Variants in KDM1A observed in about 807,000 individuals in gnomAD.
KDM1A encodes the protein lysine demethylase 1A.
Under a neutral mutation model 109.4 loss-of-function variants are expected in KDM1A, and 49 were observed. That is an observed-to-expected ratio of 0.45 (90% confidence interval 0.36 to 0.57). The LOEUF is 0.57. Ranked by LOEUF, KDM1A falls within the 20% of genes least tolerant of loss-of-function variation. The pLI, the probability that KDM1A is intolerant of heterozygous loss-of-function variation, is 0.00. For missense variants in KDM1A, 668 were observed against 1,116.6 expected (o/e 0.60, Z 5.73); for synonymous variants, 380 against 415.4 (o/e 0.91, Z 1.04).
At chr1:23,070,580 G>A (rs1252086946) in intron 12 of KDM1A, among the ~76,000 whole-genome samples, 1 of 152,096 alleles carries the variant, frequency 6.6e-6, no homozygotes, top group African/African-American at 2.4e-5. Flanking sequence ...AGGCCGAGGA[G>A]GGCAGATCAC....
intron 1 of KDM1A, among the ~76,000 whole-genome samples, chr1:23,023,132 A>C (rs1221457025): frequency 1.3e-5 from 2 of 152,124 alleles, no homozygotes; most frequent in African/African-American, 2.4e-5. Flanking sequence ...TGACTATTCA[A>C]ATCCTTGGCT....
chr1:23,052,350 G>A (rs1010958174), intron 4 of KDM1A, among the ~76,000 whole-genome samples: 1 of 152,220 alleles, frequency 6.6e-6, no homozygotes, highest in African/African-American at 2.4e-5. Context: ...GAAGACTTGT[G>A]TTGGGAGTGA....
intron 11 of KDM1A, 67 bp downstream of exon 11, chr1:23,068,748 A>C: frequency 1.5e-6 from 2 of 1,341,414 alleles, no homozygotes; most frequent in Non-Finnish European, 2.0e-6. Context: ...TTTATGTTTT[A>C]AGTTTTTCTG....
chr1:23,069,159 T>C lies in KDM1A; in HGVS notation c.1413+8T>C. ...AAAGAACTTCTTAATAAGGTGAAAT[T>C]CTGTATTTTCTTCATAGCTGAAGAA... On this transcript the variant is annotated splice_region_variant and intron_variant, in intron 12 of 20. Transcript: ENST00000400181. 1 of 1,522,818 alleles carries C rather than the reference T, an allele frequency of 6.6e-7. No individual in the cohort carries two copies. The highest frequency in any genetic ancestry group is 9.0e-7 in the Non-Finnish European group (1 of 1,105,422). 94.3% of individuals were successfully genotyped at this position (1,522,818 alleles called of 1,614,324 possible). A position where few individuals can be genotyped will look rare whatever the true frequency, so the allele number is the denominator to read the frequency against.
chr1:23,023,547 C>G (rs1305352724), intron 1 of KDM1A, among the ~76,000 whole-genome samples: 1 of 152,158 alleles, frequency 6.6e-6, no homozygotes, highest in Non-Finnish European at 1.5e-5. Flanking sequence ...TTCCATTGAT[C>G]TATTATATAT....
intron 2 of KDM1A, among the ~76,000 whole-genome samples, chr1:23,033,523 A>C (rs1331377273): frequency 6.6e-6 from 1 of 152,202 alleles, no homozygotes; most frequent in Non-Finnish European, 1.5e-5. Context: ...CCGCCTTAAA[A>C]AAAAATCCAA....
At chr1:23,080,686 C>T (rs1643593364) in intron 18 of KDM1A, among the ~76,000 whole-genome samples, 1 of 152,138 alleles carries the variant, frequency 6.6e-6, no homozygotes, top group Admixed American at 6.5e-5. Flanking sequence ...GTACTGTGGT[C>T]TAGGCCTGGG....
intron 9 of KDM1A, among the ~76,000 whole-genome samples, chr1:23,063,464 T>C (rs1643076550): frequency 6.6e-6 from 1 of 152,190 alleles, no homozygotes; most frequent in Non-Finnish European, 1.5e-5. Flanking sequence ...TATACAGTGG[T>C]GCTTAGGTTA....
At chr1:23,059,294 G>A (rs112913899) in intron 9 of KDM1A, 127 bp downstream of exon 9, 90 of 763,232 alleles carry the variant, frequency 1.2e-4, no homozygotes, top group African/African-American at 1.1e-3. Context: ...TAAACTGAGG[G>A]TAGAGATGAT....
intron 2 of KDM1A, among the ~76,000 whole-genome samples, chr1:23,031,577 C>G (rs995247008): frequency 6.8e-6 from 1 of 147,414 alleles, no homozygotes; most frequent in Admixed American, 6.8e-5. Flanking sequence ...TTGTTTTAGC[C>G]TTTTTTTTTT....
rs3765410 is a variant in KDM1A, at chr1:23,083,058, A to G, written c.2446-121A>G. 6.2e-4 allele frequency: 508 copies of G among 818,220 alleles called. 3 individuals are homozygous for G. The East Asian group carries it at 0.013, about 20-fold the overall frequency. 50.7% of individuals were successfully genotyped at this position (818,220 alleles called of 1,614,324 possible). A position where few individuals can be genotyped will look rare whatever the true frequency, so the allele number is the denominator to read the frequency against. On this transcript the variant is annotated intron_variant, in intron 20 of 20. Coordinates refer to ENST00000400181, the MANE Select transcript of KDM1A (RefSeq NM_001009999.3). ...GGGAGACTCTTCGATAGAATGATGA[A>G]TAGTAATTGGGGGGGTCAGCCTTTA... is the stretch of plus-strand genomic sequence containing the variant.
chr1:23,051,541 CT>C (rs1364439033), intron 4 of KDM1A, among the ~76,000 whole-genome samples: 3 of 152,126 alleles, frequency 2.0e-5, no homozygotes, highest in Admixed American at 6.5e-5. Context: ...CATCTCAGTT[CT>C]TTTTCATTTC....
In KDM1A at chr1:23,019,566, C is replaced by T. The variant is rs1303973722; in HGVS notation, c.-31C>T. The T allele has an allele frequency of 7.2e-7, 1 of 1,394,908 alleles. No homozygotes were observed. 86.4% of individuals were successfully genotyped at this position (1,394,908 alleles called of 1,614,324 possible). ...CCACGGAGCGACAGAGCGAGCGGCC[C>T]CTACGGCCGTCGGCGGCCCGGCGGC... On this transcript the variant is annotated 5_prime_UTR_variant, in exon 1 of 21. Transcript: ENST00000400181.
At chr1:23,050,792 A>G (rs752432049) in intron 4 of KDM1A, among the ~76,000 whole-genome samples, 5 of 152,122 alleles carry the variant, frequency 3.3e-5, no homozygotes, top group Non-Finnish European at 7.4e-5. Context: ...CACATTAAGA[A>G]TATTTATTTA....
chr1:23,042,677 C>T (rs975731517), intron 2 of KDM1A, among the ~76,000 whole-genome samples: 2 of 151,120 alleles, frequency 1.3e-5, no homozygotes, highest in African/African-American at 4.9e-5. Flanking sequence ...TGGTCTCGAT[C>T]TCCTGACCTC....
intron 5 of KDM1A, among the ~76,000 whole-genome samples, chr1:23,054,755 T>A (rs1372385767): frequency 6.6e-6 from 1 of 152,066 alleles, no homozygotes; most frequent in Admixed American, 6.6e-5. Context: ...GCCCCCCAAG[T>A]AACTAGGACT....
intron 2 of KDM1A, among the ~76,000 whole-genome samples, chr1:23,033,540 A>G (rs997525734): frequency 6.6e-6 from 1 of 152,312 alleles, no homozygotes; most frequent in South Asian, 2.1e-4. Flanking sequence ...CCAAAAAACA[A>G]AACAAAACAA....
At chr1:23,059,670 A>G (rs543025091) in intron 9 of KDM1A, among the ~76,000 whole-genome samples, 1 of 152,336 alleles carries the variant, frequency 6.6e-6, no homozygotes, top group African/African-American at 2.4e-5. Flanking sequence ...AGCTTCCTAT[A>G]CTTAGTATGA....
chr1:23,035,199 TTTTG>T (rs917354913), intron 2 of KDM1A, among the ~76,000 whole-genome samples: 24 of 152,042 alleles, frequency 1.6e-4, no homozygotes, highest in Non-Finnish European at 2.5e-4. Context: ...TGTAGGCTGT[TTTTG>T]TTTGTTTGTT....
Sources: allele counts gnomAD v4.1 joint callset (sites outside exome capture counted in the v4.1 genomes callset), GRCh38; gene constraint gnomAD v4.1.1; transcripts MANE v1.5; gene names NCBI Gene and HGNC (gene_info 2026-07-23, HGNC 2026-07-21).